BMERB1: variants seen among roughly 807,000 people sequenced by gnomAD.
The protein encoded by BMERB1 is bMERB domain containing 1.
In BMERB1, 12 loss-of-function variants were observed where a neutral mutation model predicts 23.6. The observed-to-expected ratio is 0.51, with a 90% CI of 0.33 to 0.82. BMERB1 has a LOEUF of 0.82. Ranked by LOEUF, BMERB1 falls within the 40% of genes least tolerant of loss-of-function variation. The probability of loss-of-function intolerance (pLI) is 0.03; values close to 1 mark genes in which losing one functional copy is unlikely to be tolerated. For missense variants in BMERB1, 247 were observed against 255.4 expected (o/e 0.97, Z 0.22); for synonymous variants, 122 against 96.6 (o/e 1.26, Z -1.54).
chr16:15,523,524 T>C (rs887558097), intron 2 of BMERB1, among the ~76,000 whole-genome samples: 1 of 152,128 alleles, frequency 6.6e-6, no homozygotes, highest in Non-Finnish European at 1.5e-5. Flanking sequence ...GCCCTTCCCT[T>C]CCTATCACCT....
chr16:15,459,299 G>C (rs2051115930), intron 1 of BMERB1, among the ~76,000 whole-genome samples: 1 of 151,210 alleles, frequency 6.6e-6, no homozygotes, highest in Admixed American at 6.6e-5. Flanking sequence ...AATGCAAATG[G>C]ATTAAATACT....
intron 2 of BMERB1, among the ~76,000 whole-genome samples, chr16:15,541,986 T>G (rs2052088625): frequency 6.7e-6 from 1 of 149,420 alleles, no homozygotes; most frequent in African/African-American, 2.5e-5. Flanking sequence ...GCTCAAGTGA[T>G]CCTCCTGGCT....
chr16:15,446,048 A>C (rs2050986354), intron 1 of BMERB1, among the ~76,000 whole-genome samples: 1 of 152,096 alleles, frequency 6.6e-6, no homozygotes, highest in South Asian at 2.1e-4. Context: ...AAAAACTTAA[A>C]CTATTGTATA....
chr16:15,468,759 C>T (rs565460460), intron 1 of BMERB1, among the ~76,000 whole-genome samples: 4 of 152,140 alleles, frequency 2.6e-5, no homozygotes, highest in South Asian at 2.1e-4. Flanking sequence ...GAACTCTTTG[C>T]CCCCCTTTAG....
At chr16:15,494,667 G>A (rs1173828836) in intron 1 of BMERB1, among the ~76,000 whole-genome samples, 1 of 152,032 alleles carries the variant, frequency 6.6e-6, no homozygotes, top group African/African-American at 2.4e-5. Context: ...TCTGGGCCAA[G>A]GTGTTTGAAT....
intron 2 of BMERB1, among the ~76,000 whole-genome samples, chr16:15,529,703 C>A (rs1450410681): frequency 6.6e-6 from 1 of 152,154 alleles, no homozygotes; most frequent in African/African-American, 2.4e-5. Flanking sequence ...GGCTCATCTT[C>A]CTGCTTCTCC....
rs1181824403 is a variant in BMERB1, at chr16:15,567,978, C to A, written c.231-5C>A. Reference sequence around the variant, plus strand: ...CCTGCTGTTGATGGTGTCCTGTTTCCCCAGGATGGATGACATCCAGCTCTG... The same window carrying A: ...CCTGCTGTTGATGGTGTCCTGTTTCACCAGGATGGATGACATCCAGCTCTG... On this transcript the variant is annotated splice_polypyrimidine_tract_variant and splice_region_variant and intron_variant, in intron 2 of 5. Coordinates refer to ENST00000300006, the MANE Select transcript of BMERB1 (RefSeq NM_033201.3). 6.2e-7 allele frequency: 1 copy of A among 1,611,876 alleles called. No homozygotes were observed. The highest frequency in any genetic ancestry group is 1.3e-5 in the African/African-American group (1 of 74,872).
At chr16:15,546,896 T>G (rs2029934535) in intron 2 of BMERB1, among the ~76,000 whole-genome samples, 1 of 152,166 alleles carries the variant, frequency 6.6e-6, no homozygotes, top group Non-Finnish European at 1.5e-5. Flanking sequence ...AAACGTGTCC[T>G]GTTAAGAATT....
chr16:15,568,644 A>C (rs1216371209), intron 3 of BMERB1, among the ~76,000 whole-genome samples: 2 of 152,198 alleles, frequency 1.3e-5, no homozygotes, highest in Non-Finnish European at 2.9e-5. Context: ...TCTCAAAAAA[A>C]TATATAATTA....
intron 2 of BMERB1, among the ~76,000 whole-genome samples, chr16:15,552,670 G>A (rs1343182199): frequency 6.6e-6 from 1 of 152,234 alleles, no homozygotes; most frequent in African/African-American, 2.4e-5. Context: ...AAGCAGTGGG[G>A]TGGGAAGAGC....
At chr16:15,450,831 T>C (rs2051035496) in intron 1 of BMERB1, among the ~76,000 whole-genome samples, 1 of 152,180 alleles carries the variant, frequency 6.6e-6, no homozygotes, top group Non-Finnish European at 1.5e-5. Flanking sequence ...TTCGATGCTA[T>C]GCTTGGCTCT....
At chr16:15,471,902 T>G (rs954550771) in intron 1 of BMERB1, among the ~76,000 whole-genome samples, 1 of 152,194 alleles carries the variant, frequency 6.6e-6, no homozygotes, top group Admixed American at 6.5e-5. Flanking sequence ...AAGCATTTAG[T>G]GCTATTAATT....
At chr16:15,463,542 C>T (rs1027684693) in intron 1 of BMERB1, among the ~76,000 whole-genome samples, 1 of 152,144 alleles carries the variant, frequency 6.6e-6, no homozygotes, top group African/African-American at 2.4e-5. Context: ...ACTTTAACCA[C>T]CTTCCCTTGC....
At chr16:15,538,660 C>G (rs1033521669) in intron 2 of BMERB1, among the ~76,000 whole-genome samples, 1 of 152,152 alleles carries the variant, frequency 6.6e-6, no homozygotes, top group Non-Finnish European at 1.5e-5. Flanking sequence ...CAGAATCGCT[C>G]TGGTGATTAA....
At chr16:15,476,983 T>C (rs905914949) in intron 1 of BMERB1, among the ~76,000 whole-genome samples, 3 of 152,100 alleles carry the variant, frequency 2.0e-5, no homozygotes, top group Non-Finnish European at 4.4e-5. Context: ...AGGGCAGATA[T>C]GGTTAAAAAA....
chr16:15,462,672 G>A (rs992822017), intron 1 of BMERB1, among the ~76,000 whole-genome samples: 1 of 152,144 alleles, frequency 6.6e-6, no homozygotes, highest in East Asian at 1.9e-4. Flanking sequence ...CCAACAGAGC[G>A]TTCAAGAGTC....
chr16:15,478,452 C>T (rs182589269), intron 1 of BMERB1, among the ~76,000 whole-genome samples: 5 of 152,264 alleles, frequency 3.3e-5, no homozygotes, highest in South Asian at 2.1e-4. Flanking sequence ...TGAGCCACCA[C>T]GCCTGGCCTT....
At chr16:15,545,271 C>A (rs1467636154) in intron 2 of BMERB1, among the ~76,000 whole-genome samples, 1 of 152,156 alleles carries the variant, frequency 6.6e-6, no homozygotes, top group African/African-American at 2.4e-5. Context: ...CCACACCTGG[C>A]CCCAAATTTT....
chr16:15,505,000 C>T (rs752284571), intron 1 of BMERB1, among the ~76,000 whole-genome samples: 2 of 152,038 alleles, frequency 1.3e-5, no homozygotes, highest in African/African-American at 4.8e-5. Flanking sequence ...TTGAAATAAT[C>T]GCTCAAAATG....
Sources: allele counts gnomAD v4.1 joint callset (sites outside exome capture counted in the v4.1 genomes callset), GRCh38; gene constraint gnomAD v4.1.1; transcripts MANE v1.5; gene names NCBI Gene and HGNC (gene_info 2026-07-23, HGNC 2026-07-21).